Variants in PCDH11X observed in about 807,000 individuals in gnomAD.
The protein encoded by PCDH11X is protocadherin 11 X-linked, also known as protocadherin-11 X-linked.
PCDH11X carries 18 observed loss-of-function variants against 53.3 expected under a neutral mutation model. The observed-to-expected ratio is 0.34, with a 90% CI of 0.23 to 0.50. The LOEUF (loss-of-function observed/expected upper bound fraction) is 0.50. PCDH11X is among the 20% of genes least tolerant of loss of function. PCDH11X has a pLI of 0.98. For missense variants in PCDH11X, 570 were observed against 1,032.4 expected, an observed-to-expected ratio of 0.55 and a Z score of 6.14; for synonymous variants, 279 against 393.3, an observed-to-expected ratio of 0.71 and a Z score of 3.44.
intron 6 of PCDH11X, among the ~76,000 whole-genome samples, chrX:92,195,251 T>G (rs2066273819): frequency 9.1e-6 from 1 of 110,397 alleles, no homozygotes; most frequent in South Asian, 3.9e-4. Context: ...TTCTATAACA[T>G]TCCCCCTTCC....
At chrX:92,052,066 A>G (rs1194779616) in intron 6 of PCDH11X, among the ~76,000 whole-genome samples, 1 of 110,463 alleles carries the variant, frequency 9.1e-6, no homozygotes, top group African/African-American at 3.3e-5. Flanking sequence ...TATTCTCCCT[A>G]ATTTGCTCCT....
intron 6 of PCDH11X, chrX:91,982,605 G>C: frequency 7.0e-6 from 5 of 712,359 alleles, no homozygotes; most frequent in Admixed American, 2.4e-5. Flanking sequence ...TCTGAAGGTA[G>C]CTATGCTGCA....
At chrX:92,106,926 C>T (rs1164923354) in intron 6 of PCDH11X, among the ~76,000 whole-genome samples, 1 of 111,602 alleles carries the variant, frequency 9.0e-6, no homozygotes, top group Non-Finnish European at 1.9e-5. Context: ...TTAGCATCAA[C>T]ACAGATCTTA....
At chrX:92,487,717 G>A (rs898866991) in intron 10 of PCDH11X, among the ~76,000 whole-genome samples, 10 of 111,116 alleles carry the variant, frequency 9.0e-5, no homozygotes, top group African/African-American at 3.3e-4. Flanking sequence ...TATAGTAAGT[G>A]AAGATGGAGG....
At chrX:91,970,279 C>T (rs901010592) in intron 6 of PCDH11X, among the ~76,000 whole-genome samples, 3 of 111,290 alleles carry the variant, frequency 2.7e-5, no homozygotes, top group African/African-American at 6.5e-5. Context: ...CCACTTCTGG[C>T]GAGGGTGGCC....
At chrX:92,325,731 G>A (rs1321649701) in intron 8 of PCDH11X, among the ~76,000 whole-genome samples, 6 of 110,836 alleles carry the variant, frequency 5.4e-5, no homozygotes, top group Non-Finnish European at 1.1e-4. Flanking sequence ...GCTTTTCTCT[G>A]CCTCCAATAC....
intron 6 of PCDH11X, among the ~76,000 whole-genome samples, chrX:92,077,622 GAGGAAGGAAGGAAGGAAGGAAGGAAGGA>G (rs768755254): frequency 1.0e-5 from 1 of 96,122 alleles, no homozygotes; most frequent in Non-Finnish European, 2.1e-5. Flanking sequence ...GGAAGGAAGG[GAGGAAGGAAGGAAGGAAGGAAGGAAGGA>G]AGGAAGGAAG....
chrX:92,147,984 C>CCTTCCTTCCTTCCTTTCTTTCTTTCTTT (rs1396586818), intron 6 of PCDH11X, among the ~76,000 whole-genome samples: 1 of 72,103 alleles, frequency 1.4e-5, no homozygotes, highest in African/African-American at 7.9e-5. Flanking sequence ...TTCCTTCCTT[C>CCTTCCTTCCTTCCTTTCTTTCTTTCTTT]CTTTCTTTCT....
At chrX:92,283,911 A>G (rs931678067) in intron 8 of PCDH11X, among the ~76,000 whole-genome samples, 4 of 111,706 alleles carry the variant, frequency 3.6e-5, no homozygotes, top group African/African-American at 9.7e-5. Context: ...ACTTTAAACA[A>G]TGTTCATTAA....
chrX:92,071,769 A>G (rs2063705710), intron 6 of PCDH11X, among the ~76,000 whole-genome samples: 1 of 111,329 alleles, frequency 9.0e-6, no homozygotes, highest in Admixed American at 9.5e-5. Context: ...CTTTCTCCCA[A>G]ACAAATGAAG....
At chrX:92,130,097 A>G (rs1394600539) in intron 6 of PCDH11X, among the ~76,000 whole-genome samples, 1 of 111,775 alleles carries the variant, frequency 8.9e-6, no homozygotes, top group East Asian at 2.8e-4. Flanking sequence ...TACATGTAAT[A>G]TATGCACATA....
intron 6 of PCDH11X, among the ~76,000 whole-genome samples, chrX:92,074,884 A>C (rs2063751990): frequency 9.0e-6 from 1 of 110,878 alleles, no homozygotes; most frequent in African/African-American, 3.3e-5. Flanking sequence ...TCTTAATATT[A>C]TTCCATCGCT....
chrX:91,833,769 T>C (rs1251056563), intron 4 of PCDH11X, among the ~76,000 whole-genome samples: 1 of 111,986 alleles, frequency 8.9e-6, no homozygotes, highest in East Asian at 2.8e-4. Context: ...GGCATATGCA[T>C]AGTTTAAAAA....
intron 9 of PCDH11X, among the ~76,000 whole-genome samples, chrX:92,399,192 C>CAAAAAAAAAAAAAAAAAAA (rs376361040): frequency 5.6e-4 from 51 of 91,477 alleles, no homozygotes; most frequent in African/African-American, 2.0e-3. Context: ...GACTCCGTGT[C>CAAAAAAAAAAAAAAAAAAA]AAAAAAAAAA....
intron 7 of PCDH11X, among the ~76,000 whole-genome samples, chrX:92,223,127 A>C (rs2066911696): frequency 8.9e-6 from 1 of 112,460 alleles, no homozygotes; most frequent in East Asian, 2.8e-4. Context: ...CTGGGATTAC[A>C]GGCGTGAGCC....
intron 7 of PCDH11X, among the ~76,000 whole-genome samples, chrX:92,257,969 C>T (rs756834318): frequency 8.9e-6 from 1 of 112,283 alleles, no homozygotes; most frequent in Non-Finnish European, 1.9e-5. Context: ...GAGGGCTCCA[C>T]CCCTGGAGCA....
At chrX:92,086,516 G>T (rs2063953887) in intron 6 of PCDH11X, among the ~76,000 whole-genome samples, 1 of 111,052 alleles carries the variant, frequency 9.0e-6, no homozygotes, top group Non-Finnish European at 1.9e-5. Context: ...TGAAACGTTT[G>T]TCTATTGAAG....
At chrX:92,418,821 C>T (rs2071879196) in intron 9 of PCDH11X, among the ~76,000 whole-genome samples, 1 of 102,835 alleles carries the variant, frequency 9.7e-6, no homozygotes, top group Non-Finnish European at 2.0e-5. Context: ...CTTCAAGTTT[C>T]TTAAGGTGAA....
intron 9 of PCDH11X, among the ~76,000 whole-genome samples, chrX:92,440,633 G>T (rs1264626558): frequency 5.4e-5 from 6 of 110,989 alleles, no homozygotes; most frequent in Non-Finnish European, 9.4e-5. Context: ...GCCCCTCCTT[G>T]CCTTCTGCCA....
Sources: gnomAD v4.1 joint callset for allele counts (sites outside exome capture counted in the v4.1 genomes callset) on GRCh38, gnomAD v4.1.1 for gene constraint, MANE v1.5 for transcripts, NCBI Gene and HGNC (gene_info 2026-07-23, HGNC 2026-07-21) for gene names.